COX10: variants seen among roughly 807,000 people sequenced by gnomAD.
COX10 encodes cytochrome c oxidase assembly factor heme A:farnesyltransferase COX10.
In COX10, 27 loss-of-function variants were observed where a neutral mutation model predicts 37.3. That is an observed-to-expected ratio of 0.72 (90% CI 0.53 to 1.00). COX10 has a LOEUF of 1.00. Ranked by LOEUF, COX10 falls within the 50% of genes least tolerant of loss-of-function variation. COX10 has a pLI of 0.00. For synonymous variants in COX10, 222 were observed against 229.1 expected (o/e 0.97, Z 0.28); for missense variants, 475 against 563.2 (o/e 0.84, Z 1.59).
chr17:14,104,241 G>C (rs138713340), intron 4 of COX10, among the ~76,000 whole-genome samples: 95 of 152,260 alleles, frequency 6.2e-4, no homozygotes, highest in African/African-American at 2.2e-3. Context: ...ATTCCCAGTA[G>C]AGTAGAATCC....
At chr17:14,075,669 A>G (rs1760282151) in intron 2 of COX10, among the ~76,000 whole-genome samples, 2 of 152,160 alleles carry the variant, frequency 1.3e-5, no homozygotes, top group Admixed American at 6.5e-5. Context: ...TACAGCCCAC[A>G]TTCTGTCTTC....
chr17:14,090,196 A>G (rs913124862), intron 3 of COX10, among the ~76,000 whole-genome samples: 6 of 151,918 alleles, frequency 3.9e-5, no homozygotes, highest in African/African-American at 1.2e-4. Context: ...TTGCCTCTCA[A>G]CCTGCAGGTC....
chr17:14,160,279 A>G (rs564891503), intron 5 of COX10, among the ~76,000 whole-genome samples: 1 of 152,202 alleles, frequency 6.6e-6, no homozygotes, highest in Non-Finnish European at 1.5e-5. Context: ...TCTTCAGACA[A>G]ATCCATCTAG....
chr17:14,103,848 G>A (rs1342735244), intron 4 of COX10, among the ~76,000 whole-genome samples: 1 of 152,190 alleles, frequency 6.6e-6, no homozygotes, highest in African/African-American at 2.4e-5. Context: ...GTCTGTAGAA[G>A]TATTTTTGCT....
At chr17:14,104,685 G>A (rs1915854059) in intron 4 of COX10, among the ~76,000 whole-genome samples, 1 of 151,816 alleles carries the variant, frequency 6.6e-6, no homozygotes, top group African/African-American at 2.4e-5. Context: ...TATTCATTTA[G>A]TTTTCAGTAT....
At chr17:14,096,379 T>A (rs1248332713) in intron 3 of COX10, among the ~76,000 whole-genome samples, 1 of 820 alleles carries the variant, frequency 1.2e-3, no homozygotes, top group Non-Finnish European at 2.6e-3. Context: ...TTTTTTTTTC[T>A]TTTTTTTTTT....
chr17:14,135,085 G>A (rs2142221852), intron 4 of COX10, among the ~76,000 whole-genome samples: 1 of 151,730 alleles, frequency 6.6e-6, no homozygotes, highest in South Asian at 2.1e-4. Flanking sequence ...ATGATGAGAT[G>A]TCTGTTCTAG....
intron 6 of COX10, among the ~76,000 whole-genome samples, chr17:14,204,962 C>T (rs1906650835): frequency 6.6e-6 from 1 of 152,084 alleles, no homozygotes; most frequent in Non-Finnish European, 1.5e-5. Context: ...AAAAAGTTTT[C>T]TGAGTTTGGT....
chr17:14,145,130 T>TGTTCAATAAA (rs1282446804), intron 4 of COX10, among the ~76,000 whole-genome samples: 1 of 149,378 alleles, frequency 6.7e-6, no homozygotes, highest in Non-Finnish European at 1.5e-5. Flanking sequence ...AGGACTTCAG[T>TGTTCAATAAA]GTTCAATAAA....
At position 14,167,097 on chromosome 17, in the gene COX10, G is replaced by T. The variant is rs1035248640; in HGVS notation, c.695+7150G>T. ...GGTTAAAATGTCAACATTAACAGGG[G>T]TTTGAAAAAAGTTGCTTCCAACTCT... is the stretch of plus-strand genomic sequence containing the variant. On this transcript the variant is annotated intron_variant, in intron 5 of 6. Transcript: ENST00000261643. 9.2e-5 allele frequency among the ~76,000 whole-genome samples: 14 copies of T among 152,108 alleles called. No individual in the cohort carries two copies. The East Asian group carries it at 1.9e-3, about 21-fold the overall frequency.
intron 3 of COX10, among the ~76,000 whole-genome samples, chr17:14,085,016 T>C (rs1026168887): frequency 3.3e-5 from 5 of 152,164 alleles, no homozygotes; most frequent in Non-Finnish European, 5.9e-5. Context: ...TAGTCTGTGT[T>C]TTAATGTTAG....
At chr17:14,085,317 T>C (rs1021699332) in intron 3 of COX10, among the ~76,000 whole-genome samples, 7 of 152,242 alleles carry the variant, frequency 4.6e-5, no homozygotes, top group African/African-American at 1.7e-4. Flanking sequence ...TTACATGTTT[T>C]GTTTAGTTAT....
chr17:14,120,749 T>A (rs9891015), intron 4 of COX10, among the ~76,000 whole-genome samples: 149,379 of 152,288 alleles, frequency 0.98, 73,274 homozygotes, highest in East Asian at 1. Flanking sequence ...GTGATGAAAC[T>A]TAGACAGTGA....
At chr17:14,111,096 A>C (rs1019012357) in intron 4 of COX10, among the ~76,000 whole-genome samples, 10 of 152,118 alleles carry the variant, frequency 6.6e-5, no homozygotes, top group Non-Finnish European at 1.3e-4. Flanking sequence ...GCTGTTTCTA[A>C]CTAGTAATAG....
chr17:14,173,623 G>A (rs1905554191), intron 5 of COX10, among the ~76,000 whole-genome samples: 1 of 152,180 alleles, frequency 6.6e-6, no homozygotes, highest in Admixed American at 6.5e-5. Flanking sequence ...AAGAGGTTAA[G>A]GAAAATGTAC....
At chr17:14,130,742 T>A (rs1390953273) in intron 4 of COX10, among the ~76,000 whole-genome samples, 2 of 152,120 alleles carry the variant, frequency 1.3e-5, no homozygotes, top group Non-Finnish European at 2.9e-5. Flanking sequence ...CTCATTGTCG[T>A]CTTCATCTTT....
chr17:14,192,129 G>C lies in COX10; in HGVS notation c.836G>C (p.Arg279Thr). The C allele has an allele frequency of 6.2e-7, 1 of 1,614,238 alleles. No individual in the cohort carries two copies. Among genetic ancestry groups the C allele is most frequent in the South Asian group, 1.1e-5 (1 of 91,088 alleles). The change falls in exon 6 of 7, where the codon AGG becomes ACG. Residue 279 changes from arginine to threonine, a missense_variant. By Grantham distance (71) the Arg-to-Thr change is moderately conservative. This residue lies in a region of COX10 where 2 missense variants were observed against 33.3 expected (regional missense o/e 0.06). Transcript: ENST00000261643. ...ACCTGCTGCTACACACCACTGAAAAGGATCAGCATTGCCAACACATGGGTC... is the reference window on the plus strand; with the variant it reads ...ACCTGCTGCTACACACCACTGAAAACGATCAGCATTGCCAACACATGGGTC... Reference protein sequence around the residue: ...LYTCCYTPLKRISIANTWVGA... With the variant: ...LYTCCYTPLKTISIANTWVGA...
At chr17:14,101,808 A>T (rs530146887) in intron 3 of COX10, among the ~76,000 whole-genome samples, 1 of 152,202 alleles carries the variant, frequency 6.6e-6, no homozygotes, top group Admixed American at 6.5e-5. Flanking sequence ...GTGCGTACTG[A>T]TTACAAATTT....
intron 4 of COX10, among the ~76,000 whole-genome samples, chr17:14,103,708 C>A (rs1915834857): frequency 6.6e-6 from 1 of 151,898 alleles, no homozygotes; most frequent in South Asian, 2.1e-4. Context: ...ATGAAAAAAA[C>A]CTCTCAGTTG....
Sources: allele counts gnomAD v4.1 joint callset (sites outside exome capture counted in the v4.1 genomes callset), GRCh38; gene constraint gnomAD v4.1.1; regional missense constraint gnomAD v4.1.1; transcripts MANE v1.5; gene names NCBI Gene and HGNC (gene_info 2026-07-23, HGNC 2026-07-21).